The following RGS6 variants were observed in gnomAD, a reference collection of about 807,000 sequenced individuals.
The protein encoded by RGS6 is regulator of G protein signaling 6, also known as regulator of G-protein signaling 6.
In RGS6, 30 loss-of-function variants were observed where a neutral mutation model predicts 78.5. That is an observed-to-expected ratio of 0.38 (90% confidence interval 0.29 to 0.52). The LOEUF is 0.52. Among genes scored for constraint, RGS6 ranks in the 20% least tolerant of loss-of-function variants. The probability of loss-of-function intolerance (pLI) is 0.85; values close to 1 mark genes in which losing one functional copy is unlikely to be tolerated. For missense variants in RGS6, 495 were observed against 609.7 expected (o/e 0.81, Z 1.98); for synonymous variants, 206 against 206.0 (o/e 1.00, Z 0.00).
chr14:72,250,964 G>A (rs1594812370), intron 2 of RGS6, among the ~76,000 whole-genome samples: 1 of 152,158 alleles, frequency 6.6e-6, no homozygotes, highest in Admixed American at 6.6e-5. Flanking sequence ...CATAAGCATG[G>A]AAGCCATACA....
At chr14:72,113,851 C>T (rs1841922458) in intron 2 of RGS6, among the ~76,000 whole-genome samples, 2 of 152,118 alleles carry the variant, frequency 1.3e-5, no homozygotes. Flanking sequence ...GAACATTGCT[C>T]ATAATGAGGC....
intron 2 of RGS6, among the ~76,000 whole-genome samples, chr14:71,977,843 T>G (rs927097574): frequency 6.6e-6 from 1 of 152,102 alleles, no homozygotes; most frequent in Non-Finnish European, 1.5e-5. Flanking sequence ...AATCTATAAA[T>G]TACCTTGGGC....
chr14:72,404,458 T>C (rs2092744156), intron 3 of RGS6, among the ~76,000 whole-genome samples: 1 of 152,156 alleles, frequency 6.6e-6, no homozygotes, highest in Non-Finnish European at 1.5e-5. Flanking sequence ...AGAACCACCC[T>C]TTACCCCAGG....
chr14:72,274,831 T>C (rs1467781463), intron 2 of RGS6, among the ~76,000 whole-genome samples: 1 of 152,228 alleles, frequency 6.6e-6, no homozygotes, highest in Non-Finnish European at 1.5e-5. Flanking sequence ...CGAGGACTTC[T>C]GACCTCCAAA....
chr14:71,870,591 GT>G, the RGS6 span, among the ~76,000 whole-genome samples: 1 of 152,182 alleles, frequency 6.6e-6, no homozygotes, highest in Non-Finnish European at 1.5e-5. Flanking sequence ...TACTGGCTTG[GT>G]ATCACGGGAA....
intron 2 of RGS6, among the ~76,000 whole-genome samples, chr14:71,980,080 C>T (rs1313455259): frequency 4.5e-5 from 6 of 134,014 alleles, no homozygotes; most frequent in Admixed American, 1.5e-4. Flanking sequence ...ACTAGGATTG[C>T]AACCCCTGCC....
At chr14:72,355,438 G>A (rs1018362880) in intron 3 of RGS6, among the ~76,000 whole-genome samples, 2 of 151,958 alleles carry the variant, frequency 1.3e-5, no homozygotes, top group African/African-American at 2.4e-5. Context: ...TAGGTGATCC[G>A]CCCACCTTGG....
At chr14:72,470,344 G>A (rs1020922562) in intron 8 of RGS6, among the ~76,000 whole-genome samples, 1 of 152,216 alleles carries the variant, frequency 6.6e-6, no homozygotes, top group African/African-American at 2.4e-5. Context: ...TTATAAGAAG[G>A]TGTACCTATT....
At chr14:72,292,321 C>A (rs1163693895) in intron 2 of RGS6, among the ~76,000 whole-genome samples, 1 of 152,198 alleles carries the variant, frequency 6.6e-6, no homozygotes, top group Non-Finnish European at 1.5e-5. Flanking sequence ...TCACAACGCT[C>A]CATTTCGCTG....
At chr14:71,986,692 C>T in intron 2 of RGS6, among the ~76,000 whole-genome samples, 1 of 152,148 alleles carries the variant, frequency 6.6e-6, no homozygotes. Context: ...ACCTGGGTGA[C>T]AGAGTGAGAC....
At chr14:72,544,171 C>T (rs886835853) in intron 17 of RGS6, among the ~76,000 whole-genome samples, 5 of 152,170 alleles carry the variant, frequency 3.3e-5, no homozygotes, top group Admixed American at 1.3e-4. Flanking sequence ...CAAGAGGAAT[C>T]GGGGCCAAGC....
intron 2 of RGS6, among the ~76,000 whole-genome samples, chr14:72,093,489 C>T (rs1476869544): frequency 1.3e-5 from 2 of 152,192 alleles, no homozygotes; most frequent in African/African-American, 4.8e-5. Flanking sequence ...AGTGGTCCTC[C>T]CTCCTTGGCC....
At chr14:72,000,874 G>C (rs1466020560) in intron 2 of RGS6, among the ~76,000 whole-genome samples, 1 of 152,118 alleles carries the variant, frequency 6.6e-6, no homozygotes, top group African/African-American at 2.4e-5. Flanking sequence ...GAAAAGAGGA[G>C]AGAAAATGGG....
intron 2 of RGS6, among the ~76,000 whole-genome samples, chr14:72,248,118 AG>A (rs1476554752): frequency 1.3e-5 from 2 of 152,242 alleles, no homozygotes; most frequent in Non-Finnish European, 2.9e-5. Flanking sequence ...GACTCCCAGG[AG>A]TCCTAGAGAC....
At chr14:71,926,891 G>A in the RGS6 span, among the ~76,000 whole-genome samples, 1 of 152,112 alleles carries the variant, frequency 6.6e-6, no homozygotes, top group African/African-American at 2.4e-5. Flanking sequence ...TATATTCTCT[G>A]CTTATTTACC....
chr14:71,902,452 CT>C, the RGS6 span, among the ~76,000 whole-genome samples: 1 of 152,056 alleles, frequency 6.6e-6, no homozygotes, highest in Non-Finnish European at 1.5e-5. Flanking sequence ...TCAAAGGGGC[CT>C]TTGAGTGTCT....
intron 3 of RGS6, among the ~76,000 whole-genome samples, chr14:72,393,818 C>T (rs751658785): frequency 3.3e-5 from 5 of 152,052 alleles, no homozygotes; most frequent in East Asian, 3.9e-4. Flanking sequence ...GGAAAATAGA[C>T]GAGTCTCAGA....
chr14:72,465,660 G>GGATA (rs2095889976), intron 6 of RGS6, 98 bp from the exon 7 acceptor site: 1 of 788,426 alleles, frequency 1.3e-6, no homozygotes, highest in Non-Finnish European at 2.2e-6. Flanking sequence ...ATGGATGGAT[G>GGATA]GGTGAATGGG....
At chr14:72,241,177 C>G (rs1486855641) in intron 2 of RGS6, among the ~76,000 whole-genome samples, 1 of 138,572 alleles carries the variant, frequency 7.2e-6, no homozygotes, top group Non-Finnish European at 1.6e-5. Flanking sequence ...AAAAACAAAA[C>G]TTATGCCTTT....
Sources: gnomAD v4.1 joint callset for allele counts (sites outside exome capture counted in the v4.1 genomes callset) on GRCh38, gnomAD v4.1.1 for gene constraint, MANE v1.5 for transcripts, NCBI Gene and HGNC (gene_info 2026-07-23, HGNC 2026-07-21) for gene names.